The following GNS variants were observed in gnomAD, a reference collection of about 807,000 sequenced individuals.
GNS encodes the protein N-acetylglucosamine-6-sulfatase.
Under a neutral mutation model 69.7 loss-of-function variants are expected in GNS, and 40 were observed. That is an observed-to-expected ratio of 0.57 (90% CI 0.45 to 0.75). The LOEUF (loss-of-function observed/expected upper bound fraction) is 0.75. Ranked by LOEUF, GNS falls within the 30% of genes least tolerant of loss-of-function variation. The pLI, the probability that GNS is intolerant of heterozygous loss-of-function variation, is 0.00. For missense variants in GNS, 565 were observed against 685.5 expected (o/e 0.82, Z 1.96); for synonymous variants, 243 against 251.6 (o/e 0.97, Z 0.32).
intron 5 of GNS, 136 bp downstream of exon 5, chr12:64,744,673 G>A (rs1007349665): frequency 5.8e-6 from 4 of 687,200 alleles, no homozygotes; most frequent in Non-Finnish European, 1.1e-5. Flanking sequence ...AAATACTCTT[G>A]GGCAGTTAGA....
At chr12:64,748,293 C>G (rs1473539789) in intron 2 of GNS, among the ~76,000 whole-genome samples, 2 of 152,010 alleles carry the variant, frequency 1.3e-5, no homozygotes, top group African/African-American at 4.8e-5. Context: ...CCTCGACCTC[C>G]TGGCGCAAGT....
chr12:64,750,622 A>G (rs1870046396), intron 2 of GNS, among the ~76,000 whole-genome samples: 1 of 152,230 alleles, frequency 6.6e-6, no homozygotes, highest in African/African-American at 2.4e-5. Flanking sequence ...ATTGTGTCTT[A>G]GCTGAGCACA....
intron 4 of GNS, 146 bp downstream of exon 4, chr12:64,745,513 C>A (rs1158328326): frequency 2.8e-6 from 2 of 712,502 alleles, no homozygotes; most frequent in Non-Finnish European, 5.1e-6. Context: ...AGCCACTACA[C>A]CTGGCCACAA....
chr12:64,740,261 T>C (rs1869689884), intron 7 of GNS, among the ~76,000 whole-genome samples: 1 of 152,246 alleles, frequency 6.6e-6, no homozygotes, highest in African/African-American at 2.4e-5. Flanking sequence ...TGATCTTGTC[T>C]AAGCTTTTGG....
At chr12:64,752,843 A>G (rs1428549155) in intron 1 of GNS, 86 bp from the exon 2 acceptor site, 11 of 757,858 alleles carry the variant, frequency 1.5e-5, no homozygotes, top group Non-Finnish European at 2.6e-5. Flanking sequence ...GTTACATCTT[A>G]CTCAATCTTT....
At chr12:64,729,192 G>C in intron 9 of GNS, 135 bp from the exon 10 acceptor site, 1 of 694,782 alleles carries the variant, frequency 1.4e-6, no homozygotes, top group Non-Finnish European at 2.7e-6. Flanking sequence ...CCATACTTTG[G>C]TCTGTTTCAT....
intron 4 of GNS, 92 bp from the exon 5 acceptor site, chr12:64,744,999 T>G: frequency 1.4e-6 from 1 of 717,580 alleles, no homozygotes; most frequent in Non-Finnish European, 2.6e-6. Context: ...CTCTGAGCAG[T>G]GATAAGACAT....
Position 64,715,013 on chromosome 12 carries a change from T to C in GNS, c.*1728A>G, listed in dbSNP as rs1401313101. ...GTTAGCCCAACATGACTATCTGCAATTCTGATAGAAAAGCTACTTTCAGCC... is the reference window on the plus strand; with the variant it reads ...GTTAGCCCAACATGACTATCTGCAACTCTGATAGAAAAGCTACTTTCAGCC... On this transcript the variant is annotated 3_prime_UTR_variant, in exon 14 of 14. Coordinates refer to ENST00000258145, the MANE Select transcript of GNS (RefSeq NM_002076.4). 6.6e-6 allele frequency: 1 copy of C among 152,666 alleles called. No homozygotes were observed. The highest frequency in any genetic ancestry group is 2.4e-5 in the African/African-American group (1 of 41,446). 9.5% of individuals were successfully genotyped at this position (152,666 alleles called of 1,614,324 possible).
chr12:64,747,108 G>GTA (rs1359996641), intron 3 of GNS, among the ~76,000 whole-genome samples: 1 of 152,170 alleles, frequency 6.6e-6, no homozygotes, highest in Non-Finnish European at 1.5e-5. Context: ...GCCTTGACAG[G>GTA]TCACCACGAG....
At chr12:64,717,332 C>T (rs1218784492) in intron 13 of GNS, among the ~76,000 whole-genome samples, 2 of 152,134 alleles carry the variant, frequency 1.3e-5, no homozygotes, top group Non-Finnish European at 2.9e-5. Context: ...AAGAGCCTCA[C>T]CATAAACATG....
At chr12:64,756,813 G>T in intron 1 of GNS, 1 of 935,644 alleles carries the variant, frequency 1.1e-6, no homozygotes. Flanking sequence ...TTTGACTTAT[G>T]CCCTCCACTC....
intron 10 of GNS, among the ~76,000 whole-genome samples, chr12:64,725,044 T>C (rs1294389059): frequency 2.6e-5 from 4 of 152,166 alleles, no homozygotes; most frequent in African/African-American, 2.4e-5. Flanking sequence ...CTTTGCTGCA[T>C]ATTAAAATCA....
rs1274374397 is a variant in GNS at position 64,720,155 on chromosome 12, C to G, written c.1447G>C (p.Ala483Pro). The G allele has an allele frequency of 6.2e-6, 10 of 1,604,410 alleles. No individual in the cohort carries two copies. Among genetic ancestry groups the G allele is most frequent in the Non-Finnish European group, 8.5e-6 (10 of 1,171,486 alleles). ...EVFVEVYNLTADPDQITNIAK... is the reference protein window; with the variant it reads ...EVFVEVYNLTPDPDQITNIAK... The stretch of plus-strand genomic sequence containing the variant: ...ATGTTAGTGATCTGGTCTGGGTCTG[C>G]AGTCAGATTATAGACTTCTACAAAC... The change falls in exon 13 of 14, where the codon GCA becomes CCA. Residue 483 changes from alanine to proline, a missense_variant. Ala to Pro is a conservative substitution (Grantham distance 27, BLOSUM62 -1). Coordinates refer to ENST00000258145, the MANE Select transcript of GNS (RefSeq NM_002076.4).
chr12:64,753,599 A>T lies in GNS; in HGVS notation c.193-842T>A, dbSNP rs1870149318. 2.0e-5 allele frequency among the ~76,000 whole-genome samples: 3 copies of T among 152,364 alleles called. No individual in the cohort carries two copies. In the South Asian group the frequency reaches 6.2e-4, roughly 32 times the overall value. On this transcript the variant is annotated intron_variant, in intron 1 of 13. Coordinates refer to ENST00000258145, the MANE Select transcript of GNS (RefSeq NM_002076.4). Reference sequence around the variant, plus strand: ...TGAAACCTAAGACCATATTGAATGCAGTTTTAAGTATATTTTGTTGTGCAA... The same window carrying T: ...TGAAACCTAAGACCATATTGAATGCTGTTTTAAGTATATTTTGTTGTGCAA...
At chr12:64,749,512 A>G (rs1870009318) in intron 2 of GNS, among the ~76,000 whole-genome samples, 2 of 152,150 alleles carry the variant, frequency 1.3e-5, no homozygotes, top group East Asian at 3.9e-4. Context: ...TTGGCCTCCC[A>G]AAGTGCTGGG....
chr12:64,731,404 T>C (rs1869385599), intron 9 of GNS, among the ~76,000 whole-genome samples: 2 of 152,208 alleles, frequency 1.3e-5, no homozygotes, highest in Admixed American at 6.5e-5. Context: ...CATTTTGCTC[T>C]CTGGAGATAA....
chr12:64,717,051 G>C (rs1012877530), intron 13 of GNS, among the ~76,000 whole-genome samples: 40 of 152,162 alleles, frequency 2.6e-4, no homozygotes, highest in African/African-American at 9.4e-4. Context: ...AAACAAGTAG[G>C]TTAGTCTTGA....
chr12:64,756,847 G>C (rs1870266544), intron 1 of GNS: 2 of 672,184 alleles, frequency 3.0e-6, no homozygotes, highest in Non-Finnish European at 2.6e-6. Flanking sequence ...CTCTCCAGTA[G>C]AAACACTTAT....
In GNS at chr12:64,745,656, C is replaced by T; in HGVS notation, c.525+3G>A. ...ATTGTCACAGACTTCAATAATCACTCACCAAGGCATACCAGTAACTCCAAC... is the reference window on the plus strand; with the variant it reads ...ATTGTCACAGACTTCAATAATCACTTACCAAGGCATACCAGTAACTCCAAC... On this transcript the variant is annotated splice_donor_region_variant and intron_variant, in intron 4 of 13. Transcript: ENST00000258145. 1 of 1,549,342 alleles carries T rather than the reference C, an allele frequency of 6.5e-7. No homozygotes were observed.
Sources: allele counts gnomAD v4.1 joint callset (sites outside exome capture counted in the v4.1 genomes callset), GRCh38; gene constraint gnomAD v4.1.1; transcripts MANE v1.5; gene names NCBI Gene and HGNC (gene_info 2026-07-23, HGNC 2026-07-21).